CNBD1: variants seen among roughly 807,000 people sequenced by gnomAD.
The protein encoded by CNBD1 is cyclic nucleotide binding domain containing 1, also known as cyclic nucleotide-binding domain-containing protein 1.
Under a neutral mutation model 54.4 loss-of-function variants are expected in CNBD1, and 71 were observed. The observed-to-expected ratio is 1.30, with a 90% CI of 1.08 to 1.59. The LOEUF is 1.59. Among genes scored for constraint, CNBD1 ranks in the 40% most tolerant of loss-of-function variants. The pLI is 0.00. For missense variants in CNBD1, 659 were observed against 518.0 expected (o/e 1.27, Z -2.64); for synonymous variants, 182 against 170.7 (o/e 1.07, Z -0.51).
chr8:87,024,945 A>G (rs936978190), intron 4 of CNBD1, among the ~76,000 whole-genome samples: 21 of 152,192 alleles, frequency 1.4e-4, no homozygotes, highest in African/African-American at 4.8e-4. Context: ...TCCTGAGTGC[A>G]TAGAAACTGA....
At chr8:87,218,098 C>T (rs1034401107) in intron 5 of CNBD1, among the ~76,000 whole-genome samples, 1 of 152,094 alleles carries the variant, frequency 6.6e-6, no homozygotes, top group Non-Finnish European at 1.5e-5. Context: ...ATACTTTCTT[C>T]AGGCATGTGG....
At chr8:86,922,656 A>T (rs541575097) in intron 3 of CNBD1, among the ~76,000 whole-genome samples, 3 of 151,502 alleles carry the variant, frequency 2.0e-5, no homozygotes, top group South Asian at 2.1e-4. Flanking sequence ...AGTCTGAGTT[A>T]AAAAAAAATC....
At chr8:86,884,176 C>CAAAAA (rs1402362900) in intron 1 of CNBD1, among the ~76,000 whole-genome samples, 8 of 149,648 alleles carry the variant, frequency 5.3e-5, no homozygotes, top group Admixed American at 2.7e-4. Flanking sequence ...CAAAACAAAA[C>CAAAAA]AAAAAAACCT....
chr8:87,301,101 G>A (rs898817126), intron 8 of CNBD1, among the ~76,000 whole-genome samples: 3 of 152,090 alleles, frequency 2.0e-5, no homozygotes, highest in African/African-American at 7.2e-5. Flanking sequence ...AGACCTAGAA[G>A]AGATGGATAA....
At chr8:87,404,201 G>C (rs900387147) in intron 2 of CNBD1, among the ~76,000 whole-genome samples, 1 of 152,012 alleles carries the variant, frequency 6.6e-6, no homozygotes, top group Admixed American at 6.6e-5. Flanking sequence ...CAGTGGCAGG[G>C]GTAGGGAAGT....
chr8:87,298,235 G>GT (rs1333907019), intron 8 of CNBD1, among the ~76,000 whole-genome samples: 9 of 151,754 alleles, frequency 5.9e-5, no homozygotes, highest in African/African-American at 2.2e-4. Flanking sequence ...GACTATGCAT[G>GT]TTTATAGTTT....
chr8:86,905,242 G>T (rs757501360), intron 3 of CNBD1, 48 bp downstream of exon 3: 1 of 1,064,450 alleles, frequency 9.4e-7, no homozygotes, highest in South Asian at 1.3e-5. Context: ...GTGTATGAGT[G>T]TGCTTGTGCT....
chr8:87,086,771 A>G (rs1441889241), intron 4 of CNBD1, among the ~76,000 whole-genome samples: 2 of 152,218 alleles, frequency 1.3e-5, no homozygotes, highest in African/African-American at 4.8e-5. Flanking sequence ...ACAAAATATT[A>G]TAATGCTATA....
intron 2 of CNBD1, among the ~76,000 whole-genome samples, chr8:87,422,722 T>G (rs1024639942): frequency 2.8e-4 from 42 of 152,306 alleles, no homozygotes; most frequent in Admixed American, 5.9e-4. Flanking sequence ...CCTCCAGCTT[T>G]GTTCTTTTGG....
intron 4 of CNBD1, among the ~76,000 whole-genome samples, chr8:87,110,307 C>T (rs1811636650): frequency 6.6e-6 from 1 of 152,154 alleles, no homozygotes; most frequent in South Asian, 2.1e-4. Flanking sequence ...ACATAAGTGA[C>T]CTCTACACAT....
At position 87,407,913 on chromosome 8, in the gene CNBD1, C is replaced by T. The variant is rs189128547; in HGVS notation, c.214-20633C>T. 1.4e-4 allele frequency among the ~76,000 whole-genome samples: 21 copies of T among 152,012 alleles called. No homozygotes were observed. In the East Asian group the frequency reaches 3.9e-3, roughly 28 times the overall value. ...AGTTAGATTGAGCAAAATCCTCTCC[C>T]TTTTGAGTTGGCTTTTCAATTGTCT... On this transcript the variant is annotated intron_variant, in intron 2 of 7. Coordinates refer to the CNBD1 transcript ENST00000521593.
chr8:87,385,345 A>G (rs1811161817), downstream of CNBD1, among the ~76,000 whole-genome samples: 3 of 151,836 alleles, frequency 2.0e-5, no homozygotes, highest in South Asian at 6.2e-4. Context: ...GGAAGGGCAG[A>G]GTCAGGGAAT....
At chr8:87,406,479 C>CTTT (rs1214001647) in intron 2 of CNBD1, among the ~76,000 whole-genome samples, 2 of 82,720 alleles carry the variant, frequency 2.4e-5, no homozygotes, top group African/African-American at 5.4e-5. Context: ...CACACACACA[C>CTTT]TTTTTTTTTT....
At chr8:86,926,521 A>C (rs533635208) in intron 3 of CNBD1, among the ~76,000 whole-genome samples, 1 of 152,300 alleles carries the variant, frequency 6.6e-6, no homozygotes, top group African/African-American at 2.4e-5. Context: ...TGGGACCTAG[A>C]AAGGGGAGAC....
intron 4 of CNBD1, among the ~76,000 whole-genome samples, chr8:87,038,360 T>C (rs1242989761): frequency 1.3e-5 from 2 of 152,184 alleles, no homozygotes; most frequent in East Asian, 3.9e-4. Context: ...ACAGAGTTAT[T>C]ACACAAATCA....
At chr8:87,131,974 G>A (rs559351554) in intron 4 of CNBD1, among the ~76,000 whole-genome samples, 1 of 151,986 alleles carries the variant, frequency 6.6e-6, no homozygotes, top group South Asian at 2.1e-4. Context: ...ATTCTTGTAG[G>A]ATATTTTCAC....
At chr8:87,274,941 G>A (rs1348305081) in intron 6 of CNBD1, among the ~76,000 whole-genome samples, 3 of 133,450 alleles carry the variant, frequency 2.2e-5, no homozygotes, top group Non-Finnish European at 4.8e-5. Context: ...ATCTTGAATT[G>A]ATTTTTGTAT....
intron 4 of CNBD1, among the ~76,000 whole-genome samples, chr8:86,962,861 C>A (rs573041608): frequency 6.6e-6 from 1 of 152,192 alleles, no homozygotes; most frequent in East Asian, 1.9e-4. Context: ...CTTTTGCTGG[C>A]ATGTCAGGCT....
chr8:87,097,054 G>A (rs1261655822), intron 4 of CNBD1, among the ~76,000 whole-genome samples: 1 of 152,024 alleles, frequency 6.6e-6, no homozygotes, highest in Non-Finnish European at 1.5e-5. Flanking sequence ...TACTACTTGA[G>A]CCTCAAAAGC....
Sources: allele counts gnomAD v4.1 joint callset (sites outside exome capture counted in the v4.1 genomes callset), GRCh38; gene constraint gnomAD v4.1.1; transcripts MANE v1.5; gene names NCBI Gene and HGNC (gene_info 2026-07-23, HGNC 2026-07-21).